PPARG: variants seen among roughly 807,000 people sequenced by gnomAD.
The protein encoded by PPARG is peroxisome proliferator-activated receptor gamma.
PPARG carries 17 observed loss-of-function variants against 39.2 expected under a neutral mutation model. That is an observed-to-expected ratio of 0.43 (90% CI 0.30 to 0.65). The LOEUF is 0.65. Among genes scored for constraint, PPARG ranks in the 30% least tolerant of loss-of-function variants. The pLI is 0.13. For missense variants in PPARG, 406 were observed against 585.9 expected (o/e 0.69, Z 3.17); for synonymous variants, 223 against 215.7 (o/e 1.03, Z -0.30).
chr3:12,407,707 T>C (rs2050723647), intron 6 of PPARG, among the ~76,000 whole-genome samples: 1 of 152,256 alleles, frequency 6.6e-6, no homozygotes, highest in Non-Finnish European at 1.5e-5. Flanking sequence ...TTCATGTATT[T>C]TGATGACTAT....
intron 2 of PPARG, among the ~76,000 whole-genome samples, chr3:12,359,222 A>G (rs767751516): frequency 2.0e-5 from 3 of 152,192 alleles, no homozygotes; most frequent in Non-Finnish European, 2.9e-5. Flanking sequence ...GTATTAGGTG[A>G]TTAGCTATCT....
At chr3:12,322,995 G>A (rs755355358) in intron 2 of PPARG, among the ~76,000 whole-genome samples, 1 of 151,626 alleles carries the variant, frequency 6.6e-6, no homozygotes, top group Non-Finnish European at 1.5e-5. Context: ...TAATAGAGGT[G>A]GAATCTCGCT....
chr3:12,425,621 C>T (rs1007750405), intron 7 of PPARG, among the ~76,000 whole-genome samples: 1 of 152,188 alleles, frequency 6.6e-6, no homozygotes. Flanking sequence ...CACCACCCTT[C>T]TTCCTCTACC....
At chr3:12,433,858 A>G (rs755076925) in intron 7 of PPARG, 40 bp from the exon 8 acceptor site, 12 of 1,612,784 alleles carry the variant, frequency 7.4e-6, no homozygotes, top group African/African-American at 1.3e-5. Context: ...GGATTTTTTG[A>G]CTGAACCCCC....
chr3:12,412,936 A>AATT (rs1285009303), intron 6 of PPARG, among the ~76,000 whole-genome samples: 10 of 152,172 alleles, frequency 6.6e-5, no homozygotes, highest in Non-Finnish European at 1.2e-4. Flanking sequence ...CCCAACTAGA[A>AATT]GTGTAAAATC....
chr3:12,294,605 AT>A (rs1668324593), intron 1 of PPARG, among the ~76,000 whole-genome samples: 1 of 152,222 alleles, frequency 6.6e-6, no homozygotes, highest in South Asian at 2.1e-4. Flanking sequence ...ATAAAATATC[AT>A]ACATGCGGCC....
At chr3:12,404,330 G>A (rs1449992919) in intron 5 of PPARG, among the ~76,000 whole-genome samples, 2 of 152,154 alleles carry the variant, frequency 1.3e-5, no homozygotes, top group Admixed American at 1.3e-4. Context: ...GTATTAGTCA[G>A]CGATAAAATT....
At chr3:12,315,217 T>G (rs2047358095) in intron 2 of PPARG, among the ~76,000 whole-genome samples, 1 of 152,206 alleles carries the variant, frequency 6.6e-6, no homozygotes, top group South Asian at 2.1e-4. Flanking sequence ...ATCTGTCTGC[T>G]TATTTCACTT....
chr3:12,381,084 A>G (rs1397088344), intron 3 of PPARG, among the ~76,000 whole-genome samples: 1 of 152,198 alleles, frequency 6.6e-6, no homozygotes, highest in Non-Finnish European at 1.5e-5. Flanking sequence ...AGAACCACAG[A>G]CTTAATTCTC....
chr3:12,349,800 G>A (rs1300570495), intron 2 of PPARG, among the ~76,000 whole-genome samples: 1 of 152,130 alleles, frequency 6.6e-6, no homozygotes, highest in Non-Finnish European at 1.5e-5. Context: ...TGATGCTATG[G>A]AATAATAAAT....
At chr3:12,340,085 C>G (rs1219080813) in intron 2 of PPARG, among the ~76,000 whole-genome samples, 1 of 152,202 alleles carries the variant, frequency 6.6e-6, no homozygotes, top group African/African-American at 2.4e-5. Context: ...TATACTTCCC[C>G]TTCAGGCAGT....
intron 1 of PPARG, among the ~76,000 whole-genome samples, chr3:12,298,341 G>A (rs78056893): frequency 0.072 from 9,433 of 131,600 alleles, 1,147 homozygotes; most frequent in African/African-American, 0.26. Context: ...ATGTAAAATA[G>A]CAAGCGAGTA....
intron 1 of PPARG, among the ~76,000 whole-genome samples, chr3:12,307,836 T>C (rs906542266): frequency 6.6e-6 from 1 of 152,322 alleles, no homozygotes; most frequent in East Asian, 1.9e-4. Flanking sequence ...TTGCAGAGAA[T>C]GAGGAGTTGT....
At chr3:12,320,126 A>C (rs967478106) in intron 2 of PPARG, among the ~76,000 whole-genome samples, 7 of 152,210 alleles carry the variant, frequency 4.6e-5, no homozygotes, top group African/African-American at 1.7e-4. Flanking sequence ...TACATTTTGC[A>C]GTAAGGATTG....
intron 6 of PPARG, chr3:12,406,291 A>G: frequency 1.6e-6 from 1 of 615,542 alleles, no homozygotes; most frequent in South Asian, 1.9e-5. Flanking sequence ...AGAAAAGTCC[A>G]TAAAGTTTTT....
intron 1 of PPARG, 125 bp downstream of exon 1, chr3:12,289,259 C>G (rs985469333): frequency 7.9e-5 from 12 of 151,978 alleles, no homozygotes; most frequent in African/African-American, 2.9e-4. Context: ...TAAGAAGAAT[C>G]CAATTCACTT....
At chr3:12,321,971 T>G (rs537802073) in intron 2 of PPARG, among the ~76,000 whole-genome samples, 3 of 152,356 alleles carry the variant, frequency 2.0e-5, no homozygotes, top group African/African-American at 7.2e-5. Flanking sequence ...CTAATTAATC[T>G]TAGTAGTATT....
At chr3:12,385,210 T>G (rs886526064) in intron 4 of PPARG, among the ~76,000 whole-genome samples, 2 of 152,188 alleles carry the variant, frequency 1.3e-5, no homozygotes, top group East Asian at 3.8e-4. Context: ...TAGTAAAATG[T>G]GGGTTATATT....
chr3:12,417,294 G>T (rs536872110), intron 7 of PPARG, 140 bp downstream of exon 7: 6 of 881,348 alleles, frequency 6.8e-6, no homozygotes, highest in African/African-American at 1.7e-5. Flanking sequence ...ATCACTACAC[G>T]TGCAAAACAC....
Sources: gnomAD v4.1 joint callset for allele counts (sites outside exome capture counted in the v4.1 genomes callset) on GRCh38, gnomAD v4.1.1 for gene constraint, MANE v1.5 for transcripts, NCBI Gene and HGNC (gene_info 2026-07-23, HGNC 2026-07-21) for gene names.